The following GOLIM4 variants were observed in gnomAD, a reference collection of about 807,000 sequenced individuals.
GOLIM4 encodes the protein 130 kDa golgi-localized phosphoprotein.
GOLIM4 carries 71 observed loss-of-function variants against 107.4 expected under a neutral mutation model. That is an observed-to-expected ratio of 0.66 (90% CI 0.55 to 0.81). The LOEUF is 0.81. Ranked by LOEUF, GOLIM4 falls within the 30% of genes least tolerant of loss-of-function variation. The pLI is 0.00. For missense variants in GOLIM4, 830 were observed against 826.1 expected, an observed-to-expected ratio of 1.00 and a Z score of -0.06; for synonymous variants, 327 against 294.8, an observed-to-expected ratio of 1.11 and a Z score of -1.12.
intron 9 of GOLIM4, among the ~76,000 whole-genome samples, chr3:168,031,875 G>C (rs1718355446): frequency 6.6e-6 from 1 of 152,026 alleles, no homozygotes; most frequent in South Asian, 2.1e-4. Flanking sequence ...ACTAACTGTT[G>C]GTTTAAAAGA....
intron 8 of GOLIM4, among the ~76,000 whole-genome samples, chr3:168,034,596 T>G (rs563937710): frequency 3.3e-5 from 5 of 152,322 alleles, no homozygotes; most frequent in African/African-American, 1.2e-4. Context: ...GTCTTCTCTT[T>G]AATGTTAAAA....
chr3:168,027,376 C>T (rs1358120006), intron 12 of GOLIM4, among the ~76,000 whole-genome samples: 2 of 152,116 alleles, frequency 1.3e-5, no homozygotes, highest in Non-Finnish European at 2.9e-5. Flanking sequence ...CCAACTTCCA[C>T]ACTTGCCTTT....
chr3:168,010,642 A>G (rs1420800097), intron 15 of GOLIM4, 101 bp downstream of exon 15: 1 of 938,160 alleles, frequency 1.1e-6, no homozygotes, highest in Non-Finnish European at 1.7e-6. Flanking sequence ...CAGAGGTACC[A>G]TTACCCACTG....
At chr3:168,073,251 C>T (rs188397296) in intron 1 of GOLIM4, among the ~76,000 whole-genome samples, 78 of 152,318 alleles carry the variant, frequency 5.1e-4, no homozygotes, top group African/African-American at 1.8e-3. Flanking sequence ...GACTTCTTGA[C>T]GGTAGGGACC....
intron 9 of GOLIM4, among the ~76,000 whole-genome samples, chr3:168,031,382 GTTTGATGTGATGGGTTATCTAGA>G (rs1718329349): frequency 6.6e-6 from 1 of 152,122 alleles, no homozygotes; most frequent in Non-Finnish European, 1.5e-5. Context: ...GGTTATCTAG[GTTTGATGTGATGGGTTATCTAGA>G]TTTGATCATT....
At chr3:168,073,476 G>T (rs1720932154) in intron 1 of GOLIM4, among the ~76,000 whole-genome samples, 1 of 152,116 alleles carries the variant, frequency 6.6e-6, no homozygotes, top group African/African-American at 2.4e-5. Context: ...TCAAATAATT[G>T]ATTACCTACT....
chr3:168,030,004 G>C lies in GOLIM4; in HGVS notation c.1209C>G (p.Phe403Leu), dbSNP rs1718228744. ...VYPSAKPMIK[F>L]QSPYEEQLEQ... ...CCAACTGTTCCTCATAGGGTGATTG[G>C]AATTTGATCATTGGCTTGGCTGAAG... is the stretch of plus-strand genomic sequence containing the variant. The change falls in exon 10 of 16, where the codon TTC (phenylalanine) becomes TTG (leucine). Residue 403 changes from phenylalanine (F) to leucine (L), a missense_variant. Phe to Leu is a conservative substitution (Grantham distance 22). Transcript: ENST00000470487. The C allele has an allele frequency of 6.2e-7, 1 of 1,614,056 alleles. No individual in the cohort carries two copies. The highest frequency in any genetic ancestry group is 1.3e-5 in the African/African-American group (1 of 74,922).
chr3:168,010,904 TAA>T, intron 14 of GOLIM4, 81 bp from the exon 15 acceptor site: 1 of 943,156 alleles, frequency 1.1e-6, no homozygotes. Context: ...TGTTATCATT[TAA>T]AGACTTGCAA....
At position 168,032,642 on chromosome 3, in the gene GOLIM4, C is replaced by T. The variant is rs552261813; in HGVS notation, c.1054G>A (p.Gly352Arg). The T allele has an allele frequency of 1.4e-5, 23 of 1,613,950 alleles. No homozygotes were observed. The East Asian group carries it at 2.2e-4, about 16-fold the overall frequency. ...TCCTCCTCAAGATGTTCTGCTTGCC[C>T]GACCTGCTCCATTTCTTCCTCCTCC... Reference protein sequence around the residue: ...ALEEEEMEQVGQAEHLEEEHD... With the variant: ...ALEEEEMEQVRQAEHLEEEHD... Residue 352 changes from glycine (G) to arginine (R), a missense_variant, in exon 9 of 16, where the codon GGG becomes AGG. Coordinates refer to ENST00000470487, the MANE Select transcript of GOLIM4 (RefSeq NM_014498.5).
intron 14 of GOLIM4, among the ~76,000 whole-genome samples, chr3:168,021,884 G>T (rs1278805749): frequency 6.6e-6 from 1 of 151,968 alleles, no homozygotes; most frequent in South Asian, 2.1e-4. Flanking sequence ...ATATATTTTT[G>T]AACATGTAAG....
At chr3:168,019,833 C>T (rs1252629580) in intron 14 of GOLIM4, among the ~76,000 whole-genome samples, 1 of 152,108 alleles carries the variant, frequency 6.6e-6, no homozygotes, top group African/African-American at 2.4e-5. Flanking sequence ...TAAGGTTGGC[C>T]AGTGAGCTCA....
At position 168,024,558 on chromosome 3, in the gene GOLIM4, C is replaced by A; in HGVS notation, c.1828G>T (p.Asp610Tyr). Residue 610 changes from aspartate (D) to tyrosine (Y), a missense_variant, in exon 14 of 16, where the codon GAT becomes TAT. Transcript: ENST00000470487. ...GNPDQQEDNV[D>Y]EQYQEEAEEE... ...TCTGCCTCTTCCTGGTACTGTTCAT[C>A]AACATTGTCCTCCTGCTGGTCTGGA... The A allele has an allele frequency of 1.2e-6, 2 of 1,613,498 alleles. No individual in the cohort carries two copies. The highest frequency in any genetic ancestry group is 1.7e-6 in the Non-Finnish European group (2 of 1,179,498).
chr3:168,032,792 T>A lies in GOLIM4; in HGVS notation c.904A>T (p.Thr302Ser), dbSNP rs746421628. ...HEAVPGRAED[T>S]KLYAPTHKEA... ...TTATGGGTGGGAGCATAGAGTTTTG[T>A]GTCTTCTGCTCTTCCAGGAACTGCT... Residue 302 changes from threonine to serine, a missense_variant, in exon 9 of 16, where the codon ACA (threonine) becomes TCA (serine). By Grantham distance (58) the Thr-to-Ser change is moderately conservative (BLOSUM62 1). Transcript: ENST00000470487. The A allele has an allele frequency of 5.0e-6, 8 of 1,614,124 alleles. No individual in the cohort carries two copies. The highest frequency in any genetic ancestry group is 6.8e-6 in the Non-Finnish European group (8 of 1,179,988).
At chr3:168,091,821 C>T (rs773985758) in intron 1 of GOLIM4, among the ~76,000 whole-genome samples, 2 of 152,184 alleles carry the variant, frequency 1.3e-5, no homozygotes, top group Admixed American at 6.5e-5. Context: ...AAGGTTCACA[C>T]AAAAGGTTGT....
intron 1 of GOLIM4, among the ~76,000 whole-genome samples, chr3:168,066,240 T>C (rs545975242): frequency 1.6e-4 from 24 of 152,156 alleles, no homozygotes; most frequent in Admixed American, 2.6e-4. Flanking sequence ...TGCAAGTAAT[T>C]GGGAAGTAGG....
intron 1 of GOLIM4, among the ~76,000 whole-genome samples, chr3:168,073,486 T>A (rs1461886487): frequency 6.6e-6 from 1 of 152,216 alleles, no homozygotes; most frequent in East Asian, 1.9e-4. Flanking sequence ...GATTACCTAC[T>A]ATATTTCAGG....
At chr3:168,024,802 G>A in intron 13 of GOLIM4, 126 bp downstream of exon 13, 1 of 944,702 alleles carries the variant, frequency 1.1e-6, no homozygotes, top group South Asian at 1.5e-5. Context: ...ATGTCATAAA[G>A]TGGCCTAAAA....
intron 1 of GOLIM4, among the ~76,000 whole-genome samples, chr3:168,094,141 G>T (rs566176872): frequency 6.6e-6 from 1 of 152,264 alleles, no homozygotes; most frequent in South Asian, 2.1e-4. Flanking sequence ...TATAGGATAC[G>T]TCCTTAACAA....
intron 1 of GOLIM4, among the ~76,000 whole-genome samples, chr3:168,082,119 AG>A (rs1301094859): frequency 1.3e-5 from 2 of 152,146 alleles, no homozygotes; most frequent in African/African-American, 4.8e-5. Flanking sequence ...TGATGTTTTG[AG>A]GAACTGATTA....
Sources: allele counts gnomAD v4.1 joint callset (sites outside exome capture counted in the v4.1 genomes callset), GRCh38; gene constraint gnomAD v4.1.1; transcripts MANE v1.5; gene names NCBI Gene and HGNC (gene_info 2026-07-23, HGNC 2026-07-21).